The following GPR137C variants were observed in gnomAD, a reference collection of about 807,000 sequenced individuals.
GPR137C encodes G protein-coupled receptor 137C.
Under a neutral mutation model 43.4 loss-of-function variants are expected in GPR137C, and 27 were observed. That is an observed-to-expected ratio of 0.62 (90% CI 0.46 to 0.86). The LOEUF (loss-of-function observed/expected upper bound fraction) is 0.86. Ranked by LOEUF, GPR137C falls within the 40% of genes least tolerant of loss-of-function variation. The pLI, the probability that GPR137C is intolerant of heterozygous loss-of-function variation, is 0.00. For synonymous variants in GPR137C, 285 were observed against 226.9 expected (o/e 1.26, Z -2.30); for missense variants, 522 against 534.6 (o/e 0.98, Z 0.23).
chr14:52,586,974 G>A (rs925872892), intron 1 of GPR137C, among the ~76,000 whole-genome samples: 5 of 152,088 alleles, frequency 3.3e-5, no homozygotes, highest in South Asian at 2.1e-4. Context: ...TCATTCAAAC[G>A]TAGAATCATA....
At chr14:52,585,231 T>A (rs1274108430) in intron 1 of GPR137C, among the ~76,000 whole-genome samples, 1 of 152,244 alleles carries the variant, frequency 6.6e-6, no homozygotes, top group African/African-American at 2.4e-5. Flanking sequence ...TTATTTTAAA[T>A]TTTCTGTGCA....
chr14:52,632,026 C>A, intron 3 of GPR137C, 134 bp from the exon 4 acceptor site: 1 of 558,778 alleles, frequency 1.8e-6, no homozygotes, highest in Non-Finnish European at 3.2e-6. Flanking sequence ...GCAAGATAAT[C>A]AAGAGTTTAT....
intron 1 of GPR137C, among the ~76,000 whole-genome samples, chr14:52,577,296 A>G (rs1466703181): frequency 6.6e-6 from 1 of 151,726 alleles, no homozygotes; most frequent in East Asian, 1.9e-4. Context: ...ATTTGTTGAA[A>G]CGAGTGAAAA....
At chr14:52,604,722 A>ACAGGCTCATGCC (rs2038965119) in intron 3 of GPR137C, among the ~76,000 whole-genome samples, 1 of 152,176 alleles carries the variant, frequency 6.6e-6, no homozygotes, top group African/African-American at 2.4e-5. Context: ...TGCCAGGATT[A>ACAGGCTCATGCC]CAGGCATGAG....
intron 1 of GPR137C, among the ~76,000 whole-genome samples, chr14:52,554,204 C>T (rs2038154153): frequency 1.3e-5 from 2 of 152,138 alleles, no homozygotes; most frequent in Non-Finnish European, 2.9e-5. Context: ...GGATAAGGAC[C>T]TCCATAAAGC....
At chr14:52,559,294 A>G (rs1271167967) in intron 1 of GPR137C, among the ~76,000 whole-genome samples, 1 of 152,152 alleles carries the variant, frequency 6.6e-6, no homozygotes, top group Admixed American at 6.5e-5. Context: ...AGGCAGGAGA[A>G]TCATTTGAAC....
rs1009885090 is a variant in GPR137C, at chr14:52,578,991, T to C, written c.445-19281T>C. ...AAACTCTGAGCTTATGGGTGAGATA[T>C]GTACGCTCTGAGCTTTGCTGTAGGG... On this transcript the variant is annotated intron_variant, in intron 1 of 6. Coordinates refer to ENST00000321662, the MANE Select transcript of GPR137C (RefSeq NM_001099652.2). 9.2e-5 allele frequency among the ~76,000 whole-genome samples: 14 copies of C among 152,100 alleles called. No individual in the cohort carries two copies. In the East Asian group the frequency reaches 2.1e-3, roughly 23 times the overall value.
intron 1 of GPR137C, among the ~76,000 whole-genome samples, chr14:52,575,743 T>G (rs548352526): frequency 1.3e-5 from 2 of 152,090 alleles, no homozygotes; most frequent in Non-Finnish European, 2.9e-5. Context: ...GAATTAGGAG[T>G]CAGGACATCT....
chr14:52,589,636 A>C (rs889351161), intron 1 of GPR137C, among the ~76,000 whole-genome samples: 1 of 152,212 alleles, frequency 6.6e-6, no homozygotes, highest in Non-Finnish European at 1.5e-5. Flanking sequence ...CATTACATTC[A>C]GCCTCTAGTA....
chr14:52,568,084 G>T (rs2038400680), intron 1 of GPR137C, among the ~76,000 whole-genome samples: 1 of 152,124 alleles, frequency 6.6e-6, no homozygotes, highest in South Asian at 2.1e-4. Flanking sequence ...GGTGATTTCT[G>T]CATTTCCAAC....
chr14:52,581,551 GAA>G (rs1460859590), intron 1 of GPR137C, among the ~76,000 whole-genome samples: 2 of 151,264 alleles, frequency 1.3e-5, no homozygotes, highest in African/African-American at 4.9e-5. Flanking sequence ...AAAAAAGAAA[GAA>G]AGTGAACATT....
At chr14:52,611,322 A>G (rs931662304) in intron 3 of GPR137C, among the ~76,000 whole-genome samples, 27 of 151,898 alleles carry the variant, frequency 1.8e-4, no homozygotes, top group African/African-American at 6.3e-4. Flanking sequence ...TGTTTATATT[A>G]AAATGTTATC....
At chr14:52,632,417 T>C (rs1465113322) in intron 4 of GPR137C, 108 bp downstream of exon 4, 1 of 756,058 alleles carries the variant, frequency 1.3e-6, no homozygotes, top group African/African-American at 1.8e-5. Context: ...GGAATCTCTG[T>C]CTACTGTCAG....
At chr14:52,596,615 G>A (rs1246453921) in intron 1 of GPR137C, among the ~76,000 whole-genome samples, 1 of 152,250 alleles carries the variant, frequency 6.6e-6, no homozygotes, top group Non-Finnish European at 1.5e-5. Flanking sequence ...CTGTGGGCGT[G>A]GGACCCACCA....
At chr14:52,561,389 CTT>C (rs2038281697) in intron 1 of GPR137C, among the ~76,000 whole-genome samples, 1 of 152,214 alleles carries the variant, frequency 6.6e-6, no homozygotes, top group East Asian at 1.9e-4. Flanking sequence ...AGGAGGATCA[CTT>C]GAGCCCAGCA....
chr14:52,615,240 C>T (rs948447203), intron 3 of GPR137C, among the ~76,000 whole-genome samples: 4 of 152,076 alleles, frequency 2.6e-5, no homozygotes, highest in African/African-American at 7.2e-5. Flanking sequence ...TTCTTGGCAC[C>T]TTTGTCAAAA....
chr14:52,572,494 A>AATTATTATCCAATG (rs2038486829), intron 1 of GPR137C, among the ~76,000 whole-genome samples: 1 of 152,224 alleles, frequency 6.6e-6, no homozygotes, highest in South Asian at 2.1e-4. Context: ...CAATGACCAA[A>AATTATTATCCAATG]ACCACATAAT....
intron 3 of GPR137C, among the ~76,000 whole-genome samples, chr14:52,625,216 G>T (rs951791484): frequency 1.3e-5 from 2 of 151,996 alleles, no homozygotes; most frequent in East Asian, 3.9e-4. Context: ...GGACACGGTG[G>T]CTCACACCTG....
At chr14:52,627,852 A>G (rs1347001061) in intron 3 of GPR137C, among the ~76,000 whole-genome samples, 2 of 152,176 alleles carry the variant, frequency 1.3e-5, no homozygotes. Context: ...CAAAAAATAT[A>G]TGTATATTAA....
Sources: allele counts gnomAD v4.1 joint callset (sites outside exome capture counted in the v4.1 genomes callset), GRCh38; gene constraint gnomAD v4.1.1; transcripts MANE v1.5; gene names NCBI Gene and HGNC (gene_info 2026-07-23, HGNC 2026-07-21).